The following TMEM266 variants were observed in gnomAD, a reference collection of about 807,000 sequenced individuals.
TMEM266 encodes transmembrane protein 266.
Under a neutral mutation model 50.5 loss-of-function variants are expected in TMEM266, and 33 were observed. The ratio of observed to expected loss-of-function variants is 0.65; its 90% confidence interval spans 0.50 to 0.87. TMEM266 has a LOEUF of 0.87. Among genes scored for constraint, TMEM266 ranks in the 40% least tolerant of loss-of-function variants. The probability of loss-of-function intolerance (pLI) is 0.00; values close to 1 mark genes in which losing one functional copy is unlikely to be tolerated. For synonymous variants in TMEM266, 310 were observed against 292.3 expected (o/e 1.06, Z -0.62); for missense variants, 655 against 695.1 (o/e 0.94, Z 0.65).
At chr15:76,062,032 T>C (rs901242592) in intron 1 of TMEM266, among the ~76,000 whole-genome samples, 1 of 152,232 alleles carries the variant, frequency 6.6e-6, no homozygotes, top group Non-Finnish European at 1.5e-5. Flanking sequence ...TTTAATCATT[T>C]TTTTAAAGTG....
intron 1 of TMEM266, among the ~76,000 whole-genome samples, chr15:76,061,578 C>G (rs931308983): frequency 1.3e-5 from 2 of 152,186 alleles, no homozygotes; most frequent in Non-Finnish European, 2.9e-5. Flanking sequence ...TTCATAGATT[C>G]TGCACCAACT....
chr15:76,128,851 T>C (rs987872682), intron 1 of TMEM266, among the ~76,000 whole-genome samples: 3 of 151,972 alleles, frequency 2.0e-5, no homozygotes, highest in Admixed American at 6.6e-5. Flanking sequence ...TCCAGGAAAC[T>C]GCTGCCACTT....
chr15:76,173,558 A>G (rs946934082), intron 7 of TMEM266, among the ~76,000 whole-genome samples: 1 of 152,152 alleles, frequency 6.6e-6, no homozygotes, highest in Non-Finnish European at 1.5e-5. Context: ...GGGTCTCACT[A>G]TATCAGTTAT....
intron 1 of TMEM266, among the ~76,000 whole-genome samples, chr15:76,097,625 G>A (rs1354177521): frequency 6.6e-6 from 1 of 151,868 alleles, no homozygotes; most frequent in South Asian, 2.1e-4. Flanking sequence ...TGTATTTCCT[G>A]AATTTGAATG....
At chr15:76,080,514 G>T (rs1367022571) in intron 1 of TMEM266, among the ~76,000 whole-genome samples, 1 of 151,542 alleles carries the variant, frequency 6.6e-6, no homozygotes, top group Admixed American at 6.6e-5. Context: ...CTCCCAAAGT[G>T]CTGGGATTAC....
rs1439773224 is a variant in TMEM266 at position 76,153,960 on chromosome 15, C to T, written c.228-2644C>T. Among the ~76,000 whole-genome samples, 1 of 152,228 alleles carries T rather than the reference C, an allele frequency of 6.6e-6. No individual in the cohort carries two copies. The highest frequency in any genetic ancestry group is 2.4e-5 in the African/African-American group (1 of 41,466). ...GCTGTCATCTGAGCACCTGGCTTCC[C>T]TGGCCAGGTCCCTCCCTCCTGCCCC... On this transcript the variant is annotated intron_variant, in intron 3 of 10. Transcript: ENST00000388942. This position sits in a 1 kb window ranked among gnomAD's most constrained non-coding sequence, Gnocchi z 4.2.
intron 1 of TMEM266, among the ~76,000 whole-genome samples, chr15:76,094,319 C>CTATA (rs1456130222): frequency 6.6e-6 from 1 of 152,030 alleles, no homozygotes; most frequent in Non-Finnish European, 1.5e-5. Context: ...GGTCCAGTTT[C>CTATA]AGTTTTCTGC....
chr15:76,202,174 T>C (rs778313448), intron 9 of TMEM266, 28 bp from the exon 10 acceptor site: 2 of 1,592,694 alleles, frequency 1.3e-6, no homozygotes, highest in South Asian at 2.2e-5. Flanking sequence ...CTTGATGCAC[T>C]CACCCTTCTC....
chr15:76,074,871 G>T (rs1167644162), intron 1 of TMEM266, among the ~76,000 whole-genome samples: 6 of 151,956 alleles, frequency 3.9e-5, no homozygotes, highest in Non-Finnish European at 7.4e-5. Context: ...TTGGATTCTG[G>T]ATATATTTTG....
At position 76,160,314 on chromosome 15, in the gene TMEM266, A is replaced by G; in HGVS notation, c.456+146A>G. 3 of 862,112 alleles carry G rather than the reference A, an allele frequency of 3.5e-6. No individual in the cohort carries two copies. The highest frequency in any genetic ancestry group is 5.6e-6 in the Non-Finnish European group (3 of 535,668). The allele number at this position is 862,112 out of a possible 1,614,324, so 53.4% of individuals were successfully genotyped here. A position where few individuals can be genotyped will look rare whatever the true frequency, so the allele number is the denominator to read the frequency against. ...TGGGAGGGAGACACAATATAGATAG[A>G]TGATCTCTGCGGGGGGAAGTGGTAC... On this transcript the variant is annotated intron_variant, in intron 5 of 10. Coordinates refer to ENST00000388942, the MANE Select transcript of TMEM266 (RefSeq NM_152335.3). This position sits in a 1 kb window ranked among gnomAD's most constrained non-coding sequence, Gnocchi z 5.7.
At chr15:76,069,917 G>A (rs2141983142) in intron 1 of TMEM266, among the ~76,000 whole-genome samples, 1 of 152,016 alleles carries the variant, frequency 6.6e-6, no homozygotes, top group East Asian at 1.9e-4. Flanking sequence ...ACCATTCTCA[G>A]CTCAACTTTT....
chr15:76,165,699 C>T (rs74024095), intron 5 of TMEM266, among the ~76,000 whole-genome samples: 6,848 of 152,310 alleles, frequency 0.045, 330 homozygotes, highest in African/African-American at 0.12. Flanking sequence ...CCTCGCTGAG[C>T]TCTGGAGCAG....
intron 3 of TMEM266, among the ~76,000 whole-genome samples, chr15:76,138,925 G>A (rs2037633787): frequency 6.6e-6 from 1 of 152,206 alleles, no homozygotes; most frequent in Non-Finnish European, 1.5e-5. Flanking sequence ...ATTTCATGGG[G>A]CTTGGTGGTG....
intron 3 of TMEM266, among the ~76,000 whole-genome samples, chr15:76,150,962 TTC>T (rs1299704122): frequency 6.6e-6 from 1 of 152,180 alleles, no homozygotes; most frequent in East Asian, 1.9e-4. Flanking sequence ...ACCCCAGGAT[TTC>T]TCTGAGGCCT....
intron 4 of TMEM266, among the ~76,000 whole-genome samples, chr15:76,159,709 C>T (rs2037986054): frequency 6.6e-6 from 1 of 152,142 alleles, no homozygotes; most frequent in East Asian, 1.9e-4. Context: ...CCCATCCAGC[C>T]TCAACTGAAG....
chr15:76,067,894 G>A (rs1055752335), intron 1 of TMEM266, among the ~76,000 whole-genome samples: 2 of 152,106 alleles, frequency 1.3e-5, no homozygotes, highest in African/African-American at 4.8e-5. Flanking sequence ...TATGACTGGA[G>A]GGAATTATAT....
At chr15:76,063,455 C>T (rs1257947257) in intron 1 of TMEM266, among the ~76,000 whole-genome samples, 1 of 152,182 alleles carries the variant, frequency 6.6e-6, no homozygotes, top group Non-Finnish European at 1.5e-5. Flanking sequence ...TACCCCCTGC[C>T]CCAGGCCCTT....
intron 1 of TMEM266, among the ~76,000 whole-genome samples, chr15:76,085,891 AC>A (rs1419413817): frequency 1.3e-5 from 2 of 152,090 alleles, no homozygotes; most frequent in Non-Finnish European, 2.9e-5. Flanking sequence ...TACTAAAAAT[AC>A]AAAAAATTTG....
intron 1 of TMEM266, among the ~76,000 whole-genome samples, chr15:76,092,631 A>G (rs969156661): frequency 6.6e-6 from 1 of 151,990 alleles, no homozygotes; most frequent in South Asian, 2.1e-4. Flanking sequence ...CGGAAATTAC[A>G]GTGAGCTGAG....
Sources: allele counts gnomAD v4.1 joint callset (sites outside exome capture counted in the v4.1 genomes callset), GRCh38; gene constraint gnomAD v4.1.1; non-coding constraint Gnocchi (gnomAD v3.1); transcripts MANE v1.5; gene names NCBI Gene and HGNC (gene_info 2026-07-23, HGNC 2026-07-21).